The following DAB1 variants were observed in gnomAD, a reference collection of about 807,000 sequenced individuals.
DAB1 encodes the protein DAB adaptor protein 1, also known as disabled homolog 1.
Under a neutral mutation model 64.6 loss-of-function variants are expected in DAB1, and 15 were observed. That is an observed-to-expected ratio of 0.23 (90% confidence interval 0.16 to 0.36). The LOEUF is 0.36. Among genes scored for constraint, DAB1 ranks in the 10% least tolerant of loss-of-function variants. The pLI, the probability that DAB1 is intolerant of heterozygous loss-of-function variation, is 1.00. For missense variants in DAB1, 596 were observed against 706.7 expected (o/e 0.84, Z 1.78); for synonymous variants, 235 against 251.9 (o/e 0.93, Z 0.64).
chr1:57,879,099 C>A (rs911881612), intron 1 of DAB1, among the ~76,000 whole-genome samples: 30 of 152,178 alleles, frequency 2.0e-4, no homozygotes, highest in African/African-American at 7.2e-4. Context: ...TTGATTCTGT[C>A]TTGGCTATAG....
intron 4 of DAB1, among the ~76,000 whole-genome samples, chr1:57,113,951 T>A (rs1206448790): frequency 6.6e-6 from 1 of 152,190 alleles, no homozygotes; most frequent in Non-Finnish European, 1.5e-5. Flanking sequence ...GCACATACTC[T>A]TAGAGTACAG....
intron 2 of DAB1, among the ~76,000 whole-genome samples, chr1:57,244,446 A>G (rs1570031160): frequency 6.6e-6 from 1 of 152,244 alleles, no homozygotes; most frequent in Non-Finnish European, 1.5e-5. Context: ...TTATTCCATG[A>G]CTTAGAGTAT....
chr1:57,379,386 C>T (rs1238255243), intron 1 of DAB1, among the ~76,000 whole-genome samples: 1 of 152,178 alleles, frequency 6.6e-6, no homozygotes, highest in East Asian at 1.9e-4. Flanking sequence ...CCAAGTCCAC[C>T]TTTCAGTAGA....
At chr1:58,024,569 T>G (rs1000527201) in intron 5 of DAB1, among the ~76,000 whole-genome samples, 1 of 152,196 alleles carries the variant, frequency 6.6e-6, no homozygotes, top group African/African-American at 2.4e-5. Context: ...ATAATGATGA[T>G]TCTTATCACC....
intron 4 of DAB1, among the ~76,000 whole-genome samples, chr1:58,309,705 GCC>G (rs902559060): frequency 6.6e-6 from 1 of 152,108 alleles, no homozygotes; most frequent in African/African-American, 2.4e-5. Context: ...CCCTGCAATG[GCC>G]TTCTTTCCCA....
intron 6 of DAB1, among the ~76,000 whole-genome samples, chr1:57,721,375 A>T (rs983634724): frequency 6.6e-6 from 1 of 152,264 alleles, no homozygotes; most frequent in African/African-American, 2.4e-5. Flanking sequence ...CTGATAAATA[A>T]GAATCTACTC....
At chr1:58,489,801 C>T (rs1018178229) in intron 3 of DAB1, among the ~76,000 whole-genome samples, 4 of 152,212 alleles carry the variant, frequency 2.6e-5, no homozygotes, top group African/African-American at 9.7e-5. Context: ...CGCTGTTCTG[C>T]AGCCTCCGCT....
chr1:58,538,159 A>G lies in DAB1; in HGVS notation n.32+8544T>C, dbSNP rs1237867007. On this transcript the variant is annotated intron_variant and non_coding_transcript_variant, in intron 1 of 20. Coordinates refer to the DAB1 transcript ENST00000485760. ...TCATCAAACACAAGAAAGCTTTATGAAGAAACAGTGATTAGCTTTCTTCCA... is the reference window on the plus strand; with the variant it reads ...TCATCAAACACAAGAAAGCTTTATGGAGAAACAGTGATTAGCTTTCTTCCA... 2.0e-5 allele frequency among the ~76,000 whole-genome samples: 3 copies of G among 152,362 alleles called. No individual in the cohort carries two copies. The East Asian group carries it at 5.8e-4, about 29-fold the overall frequency.
chr1:58,168,711 A>G (rs1182014387), intron 4 of DAB1, among the ~76,000 whole-genome samples: 1 of 152,176 alleles, frequency 6.6e-6, no homozygotes, highest in Non-Finnish European at 1.5e-5. Flanking sequence ...GGAGCTTCAG[A>G]AATGACATCC....
chr1:57,788,643 T>C (rs1650447181), intron 6 of DAB1, among the ~76,000 whole-genome samples: 2 of 152,190 alleles, frequency 1.3e-5, no homozygotes. Context: ...GGATGGACTC[T>C]AGAGTCAGGC....
chr1:57,323,258 T>A (rs1179222707), intron 1 of DAB1, among the ~76,000 whole-genome samples: 3 of 152,184 alleles, frequency 2.0e-5, no homozygotes, highest in African/African-American at 7.2e-5. Flanking sequence ...TGATGGCTTA[T>A]GACAGGCTAA....
At chr1:57,638,098 G>GA (rs920011057) in intron 7 of DAB1, among the ~76,000 whole-genome samples, 1 of 151,880 alleles carries the variant, frequency 6.6e-6, no homozygotes, top group Non-Finnish European at 1.5e-5. Context: ...GTAAAGACTA[G>GA]AAAAAATAAA....
At chr1:57,437,198 T>A (rs749300470) in intron 7 of DAB1, among the ~76,000 whole-genome samples, 51 of 152,146 alleles carry the variant, frequency 3.4e-4, no homozygotes, top group Non-Finnish European at 5.9e-4. Flanking sequence ...TATTCTGTAA[T>A]TCCTGGAAGA....
intron 7 of DAB1, among the ~76,000 whole-genome samples, chr1:57,500,091 A>T (rs1242395991): frequency 6.6e-6 from 1 of 152,274 alleles, no homozygotes; most frequent in African/African-American, 2.4e-5. Context: ...AGAGATTTAT[A>T]GTTTGCTTCG....
intron 6 of DAB1, among the ~76,000 whole-genome samples, chr1:57,762,914 T>C (rs549495834): frequency 8.5e-5 from 13 of 152,330 alleles, no homozygotes; most frequent in African/African-American, 3.1e-4. Context: ...CTATTGACTA[T>C]GTTCCTCATG....
At chr1:57,997,462 C>T (rs1394518658) in intron 5 of DAB1, among the ~76,000 whole-genome samples, 1 of 152,154 alleles carries the variant, frequency 6.6e-6, no homozygotes, top group Non-Finnish European at 1.5e-5. Flanking sequence ...TTTTAATAAA[C>T]TTTCACTCCT....
chr1:57,290,386 A>G (rs1473828085), intron 2 of DAB1, among the ~76,000 whole-genome samples: 1 of 152,178 alleles, frequency 6.6e-6, no homozygotes, highest in African/African-American at 2.4e-5. Flanking sequence ...CTTGGGTCCT[A>G]CCCTAGATTT....
intron 4 of DAB1, among the ~76,000 whole-genome samples, chr1:58,267,806 A>G (rs1257192443): frequency 6.6e-6 from 1 of 152,206 alleles, no homozygotes; most frequent in African/African-American, 2.4e-5. Context: ...TCTTGCTTCC[A>G]TGCATTAATA....
chr1:58,345,846 C>T (rs1366460073), intron 3 of DAB1, among the ~76,000 whole-genome samples: 3 of 152,124 alleles, frequency 2.0e-5, no homozygotes, highest in Non-Finnish European at 2.9e-5. Flanking sequence ...TGCTGAGTTT[C>T]ACCTCTGACC....
Sources: allele counts gnomAD v4.1 joint callset (sites outside exome capture counted in the v4.1 genomes callset), GRCh38; gene constraint gnomAD v4.1.1; transcripts MANE v1.5; gene names NCBI Gene and HGNC (gene_info 2026-07-23, HGNC 2026-07-21).